GPHN: variants seen among roughly 807,000 people sequenced by gnomAD.
The protein encoded by GPHN is gephyrin.
In GPHN, 17 loss-of-function variants were observed where a neutral mutation model predicts 95.5. That is an observed-to-expected ratio of 0.18 (90% CI 0.12 to 0.27). GPHN has a LOEUF of 0.27. Ranked by LOEUF, GPHN falls within the 10% of genes least tolerant of loss-of-function variation. The pLI is 1.00. For missense variants in GPHN, 660 were observed against 978.1 expected (o/e 0.67, Z 4.34); for synonymous variants, 320 against 322.5 (o/e 0.99, Z 0.08).
chr14:67,231,837 T>C, the GPHN span, among the ~76,000 whole-genome samples: 23,686 of 151,560 alleles, frequency 0.16, 3,495 homozygotes, highest in East Asian at 0.42. Flanking sequence ...GGCATGGTGG[T>C]GGGTGCCTGT....
chr14:66,679,489 T>A lies in GPHN; in HGVS notation c.65-1618T>A, dbSNP rs1463112033. On this transcript the variant is annotated intron_variant, in intron 1 of 22. Transcript: ENST00000478722. Reference sequence around the variant, plus strand: ...CAGAACATTAATATATTGTATCAGTTTTGGGCTAGTCTCAGCAATTTTTAA... The same window carrying A: ...CAGAACATTAATATATTGTATCAGTATTGGGCTAGTCTCAGCAATTTTTAA... 1.3e-5 allele frequency among the ~76,000 whole-genome samples: 2 copies of A among 152,188 alleles called. 1 individual carries two copies. The highest frequency in any genetic ancestry group is 3.8e-4 in the East Asian group (2 of 5,196).
intron 1 of GPHN, among the ~76,000 whole-genome samples, chr14:66,654,656 G>C (rs2153368281): frequency 6.6e-6 from 1 of 152,096 alleles, no homozygotes; most frequent in East Asian, 1.9e-4. Flanking sequence ...TTTAAATTTT[G>C]ATAAAGTACA....
intron 10 of GPHN, among the ~76,000 whole-genome samples, chr14:67,034,301 T>C (rs2074318286): frequency 6.6e-6 from 1 of 152,014 alleles, no homozygotes. Context: ...CTCATGGTAA[T>C]TACAAAGAAA....
the GPHN span, among the ~76,000 whole-genome samples, chr14:67,327,552 C>T: frequency 6.6e-6 from 1 of 151,550 alleles, no homozygotes; most frequent in Non-Finnish European, 1.5e-5. Context: ...AGGTTTGTTA[C>T]GTATGTATAC....
At chr14:67,674,876 G>A in the GPHN span, 2 of 160,206 alleles carry the variant, frequency 1.2e-5, no homozygotes, top group African/African-American at 2.4e-5. Flanking sequence ...CCTTCCTCCC[G>A]GGCCCCGCCG....
At chr14:67,227,509 T>G in the GPHN span, 3 of 151,418 alleles carry the variant, frequency 2.0e-5, no homozygotes, top group African/African-American at 7.3e-5. Context: ...TGCTGATATA[T>G]GGGAAAAGGT....
chr14:66,735,804 A>G (rs573228115), intron 2 of GPHN, among the ~76,000 whole-genome samples: 127 of 152,258 alleles, frequency 8.3e-4, no homozygotes, highest in African/African-American at 2.8e-3. Flanking sequence ...TATGTTTATG[A>G]TAAGTGGGAG....
chr14:66,558,656 G>C (rs1305112633), intron 1 of GPHN, among the ~76,000 whole-genome samples: 1 of 151,848 alleles, frequency 6.6e-6, no homozygotes, highest in Non-Finnish European at 1.5e-5. Context: ...ATTTAATATA[G>C]AGTTCATTCT....
chr14:67,188,339 C>A, the GPHN span, among the ~76,000 whole-genome samples: 1 of 152,124 alleles, frequency 6.6e-6, no homozygotes, highest in East Asian at 1.9e-4. Flanking sequence ...TTATTTCCTT[C>A]TTTTGGTATT....
intron 1 of GPHN, among the ~76,000 whole-genome samples, chr14:66,649,978 AC>A (rs978284187): frequency 7.9e-5 from 12 of 151,842 alleles, no homozygotes; most frequent in African/African-American, 2.9e-4. Flanking sequence ...GTTTTGGTAA[AC>A]CCACCAGCTA....
intron 4 of GPHN, among the ~76,000 whole-genome samples, chr14:66,852,400 TGC>T: frequency 6.6e-6 from 1 of 152,338 alleles, no homozygotes; most frequent in South Asian, 2.1e-4. Context: ...TGCGTGCGCG[TGC>T]GCGTGTTCAC....
chr14:67,138,180 C>G (rs1048453529), intron 17 of GPHN, among the ~76,000 whole-genome samples: 1 of 152,112 alleles, frequency 6.6e-6, no homozygotes, highest in African/African-American at 2.4e-5. Flanking sequence ...CTAATACTAC[C>G]TATGTGAACC....
intron 1 of GPHN, among the ~76,000 whole-genome samples, chr14:66,664,854 A>G (rs1288505205): frequency 2.6e-5 from 4 of 152,116 alleles, no homozygotes; most frequent in African/African-American, 7.2e-5. Context: ...ATCTGTATCA[A>G]CTAGAAAATC....
rs538990625 is a variant in GPHN at position 66,626,705 on chromosome 14, T to C, written c.65-54402T>C. The stretch of plus-strand genomic sequence containing the variant: ...TGGAAGTAGTATATTTGCCTTTCTA[T>C]GAATGCCATACCATAAGATTTTTCA... On this transcript the variant is annotated intron_variant, in intron 1 of 22. Transcript: ENST00000478722. Among the ~76,000 whole-genome samples, 16 of 152,228 alleles carry C rather than the reference T, an allele frequency of 1.1e-4. No individual in the cohort carries two copies. The South Asian group carries it at 3.1e-3, about 30-fold the overall frequency.
chr14:66,794,506 A>G (rs945763219), intron 3 of GPHN, among the ~76,000 whole-genome samples: 1 of 152,224 alleles, frequency 6.6e-6, no homozygotes, highest in Non-Finnish European at 1.5e-5. Flanking sequence ...GGACAAATAC[A>G]CATGGAAACA....
At chr14:66,799,860 C>G (rs1282591593) in intron 3 of GPHN, among the ~76,000 whole-genome samples, 1 of 151,726 alleles carries the variant, frequency 6.6e-6, no homozygotes, top group Non-Finnish European at 1.5e-5. Context: ...ATTATTTGTT[C>G]TCTGGTTGTT....
the GPHN span, chr14:67,559,532 T>C: frequency 9.8e-7 from 1 of 1,023,652 alleles, no homozygotes; most frequent in Non-Finnish European, 1.5e-6. Context: ...TTGGCCTTTC[T>C]TGGGGTTTCC....
At chr14:67,503,523 T>C in the GPHN span, 1 of 152,160 alleles carries the variant, frequency 6.6e-6, no homozygotes, top group Non-Finnish European at 1.5e-5. Context: ...GCATGCCACC[T>C]TCATGACTCG....
the GPHN span, chr14:67,472,376 A>C: frequency 0.036 from 5,502 of 152,302 alleles, 102 homozygotes; most frequent in Middle Eastern, 0.051. Flanking sequence ...ATGACCTAGA[A>C]CTCTGGCTTT....
Sources: allele counts gnomAD v4.1 joint callset (sites outside exome capture counted in the v4.1 genomes callset), GRCh38; gene constraint gnomAD v4.1.1; transcripts MANE v1.5; gene names NCBI Gene and HGNC (gene_info 2026-07-23, HGNC 2026-07-21).